Variants in LARGE1 observed in about 807,000 individuals in gnomAD.
LARGE1 encodes LARGE xylosyl- and glucuronyltransferase 1.
In LARGE1, 43 loss-of-function variants were observed where a neutral mutation model predicts 87.6. That is an observed-to-expected ratio of 0.49 (90% CI 0.38 to 0.63). LARGE1 has a LOEUF of 0.63. LARGE1 is among the 30% of genes least tolerant of loss of function. The pLI, the probability that LARGE1 is intolerant of heterozygous loss-of-function variation, is 0.00. For missense variants in LARGE1, 802 were observed against 1,000.2 expected (o/e 0.80, Z 2.67); for synonymous variants, 434 against 394.6 (o/e 1.10, Z -1.18).
At chr22:33,720,329 C>T (rs920958903) in intron 2 of LARGE1, among the ~76,000 whole-genome samples, 7 of 152,030 alleles carry the variant, frequency 4.6e-5, no homozygotes, top group South Asian at 2.1e-4. Flanking sequence ...CACGGGGTAA[C>T]GGGAGTGATG....
At chr22:33,278,118 G>A (rs982398124) in intron 13 of LARGE1, among the ~76,000 whole-genome samples, 2 of 152,216 alleles carry the variant, frequency 1.3e-5, no homozygotes, top group African/African-American at 4.8e-5. Flanking sequence ...TGAATCATGT[G>A]ACCCTTTAGA....
chr22:33,590,416 GA>G (rs899244558), intron 5 of LARGE1, among the ~76,000 whole-genome samples: 1 of 152,004 alleles, frequency 6.6e-6, no homozygotes, highest in African/African-American at 2.4e-5. Context: ...CATTCTTCGA[GA>G]AAAAAATCTT....
chr22:33,103,767 T>G, the LARGE1 span, among the ~76,000 whole-genome samples: 1 of 152,212 alleles, frequency 6.6e-6, no homozygotes, highest in Non-Finnish European at 1.5e-5. Context: ...CACCCAAATC[T>G]CATCATGAAT....
intron 2 of LARGE1, among the ~76,000 whole-genome samples, chr22:33,675,515 T>G (rs1408968866): frequency 6.6e-6 from 1 of 151,952 alleles, no homozygotes; most frequent in Non-Finnish European, 1.5e-5. Context: ...AAGAGGTTGA[T>G]GTACTTGGGA....
intron 2 of LARGE1, among the ~76,000 whole-genome samples, chr22:33,665,759 G>C (rs1025036860): frequency 7.9e-5 from 12 of 152,126 alleles, no homozygotes; most frequent in Admixed American, 3.9e-4. Context: ...GGGCATGGTG[G>C]TGGGCGCCTG....
intron 11 of LARGE1, among the ~76,000 whole-genome samples, chr22:33,221,450 TA>T (rs1269954411): frequency 6.6e-6 from 1 of 152,220 alleles, no homozygotes; most frequent in Non-Finnish European, 1.5e-5. Context: ...GCAAGTTATT[TA>T]AAACTGGGTA....
At chr22:33,536,241 G>A (rs998533081) in intron 6 of LARGE1, among the ~76,000 whole-genome samples, 2 of 152,170 alleles carry the variant, frequency 1.3e-5, no homozygotes, top group Non-Finnish European at 2.9e-5. Flanking sequence ...CAGAACGAAA[G>A]GGCATGAGCA....
intron 12 of LARGE1, among the ~76,000 whole-genome samples, chr22:33,293,912 A>T (rs1237008872): frequency 6.6e-6 from 1 of 152,198 alleles, no homozygotes; most frequent in Non-Finnish European, 1.5e-5. Context: ...CCTCACTGTC[A>T]AGTCTAACAG....
rs550329280 is a variant in LARGE1, at chr22:33,567,065, T to C, written c.616-2046A>G. Reference sequence around the variant, plus strand: ...AGCCCCACACAAAGCATTTGATCTCTCTAAGCCTTGGTTTCTTTACCTGTA... The same window carrying C: ...AGCCCCACACAAAGCATTTGATCTCCCTAAGCCTTGGTTTCTTTACCTGTA... On this transcript the variant is annotated intron_variant, in intron 5 of 14. Coordinates refer to ENST00000397394, the MANE Select transcript of LARGE1 (RefSeq NM_133642.5). Among the ~76,000 whole-genome samples the C allele has an allele frequency of 1.1e-3, 175 of 152,302 alleles. 4 individuals carry two copies. In the South Asian group the frequency reaches 0.034, roughly 30 times the overall value.
intron 6 of LARGE1, among the ~76,000 whole-genome samples, chr22:33,531,051 A>T (rs932861628): frequency 1.3e-5 from 2 of 152,126 alleles, no homozygotes; most frequent in Non-Finnish European, 2.9e-5. Context: ...ACTTGCCCTA[A>T]TTGTACTTTG....
chr22:33,225,595 G>T (rs1240914252), intron 11 of LARGE1, among the ~76,000 whole-genome samples: 1 of 151,726 alleles, frequency 6.6e-6, no homozygotes, highest in Non-Finnish European at 1.5e-5. Context: ...AGGTTCAGGG[G>T]TACATGTGCA....
At chr22:33,320,084 G>A (rs1486587627) in intron 10 of LARGE1, among the ~76,000 whole-genome samples, 2 of 152,208 alleles carry the variant, frequency 1.3e-5, no homozygotes, top group African/African-American at 4.8e-5. Flanking sequence ...ATAAGACAAG[G>A]AAGCTGAAAT....
intron 9 of LARGE1, among the ~76,000 whole-genome samples, chr22:33,353,090 GAAATATGAATTT>G (rs923725629): frequency 8.5e-5 from 13 of 152,172 alleles, no homozygotes; most frequent in African/African-American, 3.1e-4. Flanking sequence ...AAGACTATTT[GAAATATGAATTT>G]ACAACCACTA....
At chr22:33,704,155 G>A (rs1263776023) in intron 2 of LARGE1, among the ~76,000 whole-genome samples, 1 of 152,186 alleles carries the variant, frequency 6.6e-6, no homozygotes, top group Non-Finnish European at 1.5e-5. Flanking sequence ...ATTATAGACT[G>A]TAATTACTGT....
chr22:33,624,445 T>C (rs240592), intron 4 of LARGE1, among the ~76,000 whole-genome samples: 106,418 of 152,068 alleles, frequency 0.7, 37,254 homozygotes, highest in Admixed American at 0.77. Flanking sequence ...GGCTTCCTGT[T>C]AGAAAAGATG....
chr22:33,383,283 G>C (rs978792450), intron 8 of LARGE1, among the ~76,000 whole-genome samples: 1 of 152,176 alleles, frequency 6.6e-6, no homozygotes, highest in African/African-American at 2.4e-5. Flanking sequence ...TTGTTGGCTG[G>C]GTGCAGAGAC....
chr22:33,551,069 T>C (rs2077510125), intron 6 of LARGE1, among the ~76,000 whole-genome samples: 1 of 151,786 alleles, frequency 6.6e-6, no homozygotes, highest in Non-Finnish European at 1.5e-5. Flanking sequence ...GGGAAAGGGG[T>C]GGATGATGAG....
At chr22:33,344,691 C>T (rs745886308) in intron 9 of LARGE1, among the ~76,000 whole-genome samples, 10 of 152,160 alleles carry the variant, frequency 6.6e-5, no homozygotes, top group African/African-American at 9.6e-5. Flanking sequence ...AGAAATGTTA[C>T]GTCTTGGTCC....
chr22:33,616,324 T>A (rs1031565580), intron 4 of LARGE1, among the ~76,000 whole-genome samples: 1 of 152,006 alleles, frequency 6.6e-6, no homozygotes, highest in South Asian at 2.1e-4. Flanking sequence ...CTGGCCAACA[T>A]GGCGAAACCC....
Sources: allele counts gnomAD v4.1 joint callset (sites outside exome capture counted in the v4.1 genomes callset), GRCh38; gene constraint gnomAD v4.1.1; transcripts MANE v1.5; gene names NCBI Gene and HGNC (gene_info 2026-07-23, HGNC 2026-07-21).